The following CCDC141 variants were observed in gnomAD, a reference collection of about 807,000 sequenced individuals.
The protein encoded by CCDC141 is coiled-coil domain containing 141, also known as coiled-coil domain-containing protein 141.
Under a neutral mutation model 181.0 loss-of-function variants are expected in CCDC141, and 168 were observed. That is an observed-to-expected ratio of 0.93 (90% CI 0.82 to 1.05). The LOEUF is 1.05. Among genes scored for constraint, CCDC141 ranks in the 50% least tolerant of loss-of-function variants. CCDC141 has a pLI of 0.00. For missense variants in CCDC141, 1,902 were observed against 1,788.5 expected, an observed-to-expected ratio of 1.06 and a Z score of -1.14; for synonymous variants, 666 against 642.3, an observed-to-expected ratio of 1.04 and a Z score of -0.56.
intron 1 of CCDC141, among the ~76,000 whole-genome samples, chr2:179,049,487 T>C (rs1232193198): frequency 6.6e-6 from 1 of 152,196 alleles, no homozygotes; most frequent in Admixed American, 6.5e-5. Context: ...TTGGACTCTT[T>C]AGTCAGGCAA....
chr2:179,041,491 G>GTTTTTTT (rs35229059), intron 2 of CCDC141, among the ~76,000 whole-genome samples: 12 of 58,896 alleles, frequency 2.0e-4, no homozygotes, highest in Non-Finnish European at 2.9e-4. Context: ...TTGGTTGTGG[G>GTTTTTTT]TTTTTTTTTT....
chr2:178,865,214 G>A (rs1376291208), intron 17 of CCDC141, among the ~76,000 whole-genome samples: 1 of 152,132 alleles, frequency 6.6e-6, no homozygotes, highest in Non-Finnish European at 1.5e-5. Flanking sequence ...TGCCAGAAAA[G>A]CCAGTCAGTT....
chr2:178,937,708 A>AT (rs539583918), intron 6 of CCDC141, among the ~76,000 whole-genome samples: 8 of 151,562 alleles, frequency 5.3e-5, no homozygotes, highest in South Asian at 4.2e-4. Context: ...GGTCTTAGGC[A>AT]TTTTTTTTGT....
intron 8 of CCDC141, among the ~76,000 whole-genome samples, chr2:178,904,584 T>A (rs1687870633): frequency 6.6e-6 from 1 of 151,142 alleles, no homozygotes; most frequent in South Asian, 2.2e-4. Context: ...CCATTTATAA[T>A]TTTTTTGTTC....
chr2:179,026,946 G>A (rs745503510), intron 2 of CCDC141, among the ~76,000 whole-genome samples: 3 of 152,188 alleles, frequency 2.0e-5, no homozygotes, highest in Non-Finnish European at 2.9e-5. Context: ...TCTCCCATTT[G>A]GAATGGCTGT....
chr2:178,946,984 A>T (rs1355106196), intron 5 of CCDC141, among the ~76,000 whole-genome samples: 1 of 152,206 alleles, frequency 6.6e-6, no homozygotes. Flanking sequence ...CTCAGAAGTA[A>T]GTAGATCATC....
chr2:178,916,216 G>A (rs1182163421), intron 7 of CCDC141, among the ~76,000 whole-genome samples: 3 of 152,036 alleles, frequency 2.0e-5, no homozygotes, highest in East Asian at 1.9e-4. Context: ...TCAGTGTTTC[G>A]GAGATAATTC....
intron 2 of CCDC141, among the ~76,000 whole-genome samples, chr2:178,989,323 G>A (rs1459948264): frequency 6.6e-6 from 1 of 152,154 alleles, no homozygotes; most frequent in Admixed American, 6.5e-5. Flanking sequence ...GCTGGGCGCA[G>A]TGGCTCATGC....
At chr2:178,983,911 A>G (rs1691573474) in intron 2 of CCDC141, among the ~76,000 whole-genome samples, 1 of 150,682 alleles carries the variant, frequency 6.6e-6, no homozygotes, top group South Asian at 2.1e-4. Flanking sequence ...ATCCAGGAGA[A>G]TTTCCCCAAT....
intron 1 of CCDC141, among the ~76,000 whole-genome samples, chr2:179,047,916 A>C (rs1288166368): frequency 6.6e-6 from 1 of 152,214 alleles, no homozygotes; most frequent in African/African-American, 2.4e-5. Context: ...TATCAGATGA[A>C]GAAATTGATT....
chr2:178,864,091 C>T (rs1685734343), intron 17 of CCDC141, among the ~76,000 whole-genome samples: 1 of 152,190 alleles, frequency 6.6e-6, no homozygotes, highest in African/African-American at 2.4e-5. Context: ...CCAGAGGGGG[C>T]TGGGAAAACC....
rs1481220115 is a variant in CCDC141 at position 179,025,460 on chromosome 2, C to T, written c.225+21824G>A. Among the ~76,000 whole-genome samples, 3 of 152,178 alleles carry T rather than the reference C, an allele frequency of 2.0e-5. 1 individual carries two copies. Among genetic ancestry groups the T allele is most frequent in the Middle Eastern group, 6.3e-3 (2 of 316 alleles). ...GAGTTGCCCTGCATAAGCTCTCTCT[C>T]TCTTCATCTGCTGCCATCCATGTAA... On this transcript the variant is annotated intron_variant, in intron 2 of 23. Coordinates refer to ENST00000443758, the MANE Select transcript of CCDC141 (RefSeq NM_173648.4).
In CCDC141 at chr2:178,941,700, C is replaced by A. The variant is rs186215725; in HGVS notation, c.897+2835G>T. Among the ~76,000 whole-genome samples the A allele has an allele frequency of 1.8e-3, 270 of 151,898 alleles. 5 individuals are homozygous for A. The South Asian group carries it at 0.023, about 13-fold the overall frequency. Reference sequence around the variant, plus strand: ...AGGTATGAGAGTTCATGCCTGTAATCCCAGCACTTTAGAAGGCTGAGGTGG... The same window carrying A: ...AGGTATGAGAGTTCATGCCTGTAATACCAGCACTTTAGAAGGCTGAGGTGG... On this transcript the variant is annotated intron_variant, in intron 6 of 23. Coordinates refer to ENST00000443758, the MANE Select transcript of CCDC141 (RefSeq NM_173648.4).
intron 2 of CCDC141, among the ~76,000 whole-genome samples, chr2:178,999,407 G>T (rs1281179717): frequency 6.6e-6 from 1 of 151,836 alleles, no homozygotes; most frequent in Admixed American, 6.6e-5. Context: ...CTTCTCACCC[G>T]AATTCCTACA....
intron 23 of CCDC141, 26 bp downstream of exon 23, chr2:178,836,868 A>G: frequency 6.3e-7 from 1 of 1,577,940 alleles, no homozygotes; most frequent in Middle Eastern, 1.8e-4. Context: ...GTTTCCATTT[A>G]TGGCTTGTCA....
In CCDC141 at chr2:178,869,143, C is replaced by T. The variant is rs372596782; in HGVS notation, c.2368G>A (p.Val790Ile). The T allele has an allele frequency of 2.5e-6, 4 of 1,603,158 alleles. No individual in the cohort carries two copies. Among genetic ancestry groups the T allele is most frequent in the Admixed American group, 1.7e-5 (1 of 57,926 alleles). Residue 790 changes from valine (V) to isoleucine (I), a missense_variant, in exon 15 of 24, where the codon GTC (valine) becomes ATC (isoleucine). Coordinates refer to ENST00000443758, the MANE Select transcript of CCDC141 (RefSeq NM_173648.4). The part of the protein sequence containing the change: ...QDYEDILYKV[V>I]QFHQVKEELG... Reference sequence around the variant, plus strand: ...TCTTCCTTGACTTGATGGAACTGGACCACCTTGTACAGGATATCCTCGTAA... The same window carrying T: ...TCTTCCTTGACTTGATGGAACTGGATCACCTTGTACAGGATATCCTCGTAA...
intron 17 of CCDC141, among the ~76,000 whole-genome samples, chr2:178,865,036 T>C (rs2154368492): frequency 6.6e-6 from 1 of 152,338 alleles, no homozygotes; most frequent in South Asian, 2.1e-4. Flanking sequence ...AGTAAGCCTT[T>C]CAATGGAAAG....
At chr2:179,020,445 C>T (rs1253131325) in intron 2 of CCDC141, among the ~76,000 whole-genome samples, 1 of 152,116 alleles carries the variant, frequency 6.6e-6, no homozygotes, top group Non-Finnish European at 1.5e-5. Flanking sequence ...CATGAGACCA[C>T]GTTGGCTGTG....
chr2:178,991,123 G>T (rs1316256155), intron 2 of CCDC141, among the ~76,000 whole-genome samples: 1 of 152,102 alleles, frequency 6.6e-6, no homozygotes, highest in East Asian at 1.9e-4. Flanking sequence ...ACTGTCACTT[G>T]CTAATCAGAG....
Sources: gnomAD v4.1 joint callset for allele counts (sites outside exome capture counted in the v4.1 genomes callset) on GRCh38, gnomAD v4.1.1 for gene constraint, MANE v1.5 for transcripts, NCBI Gene and HGNC (gene_info 2026-07-23, HGNC 2026-07-21) for gene names.